Variants in CLTCL1 observed in about 807,000 individuals in gnomAD.
The protein encoded by CLTCL1 is clathrin heavy chain 2.
A neutral mutation model predicts 190.0 loss-of-function variants in CLTCL1; 159 were observed. That is an observed-to-expected ratio of 0.84 (90% CI 0.74 to 0.95). CLTCL1 has a LOEUF of 0.95. Among genes scored for constraint, CLTCL1 ranks in the 40% least tolerant of loss-of-function variants. The probability of loss-of-function intolerance (pLI) is 0.00; values close to 1 mark genes in which losing one functional copy is unlikely to be tolerated. For missense variants in CLTCL1, 1,878 were observed against 2,033.4 expected, an observed-to-expected ratio of 0.92 and a Z score of 1.47; for synonymous variants, 752 against 769.6, an observed-to-expected ratio of 0.98 and a Z score of 0.38.
In CLTCL1 at chr22:19,235,635, G is replaced by A. The variant is rs553841765; in HGVS notation, c.969+61C>T. On this transcript the variant is annotated intron_variant, in intron 6 of 32. Coordinates refer to ENST00000427926, the MANE Select transcript of CLTCL1 (RefSeq NM_007098.4). ...GCTGCTTTCCTAGAGAAGGGGGAAAGTTTAAACGCCAGTCCCTAATGAATG... is the reference window on the plus strand; with the variant it reads ...GCTGCTTTCCTAGAGAAGGGGGAAAATTTAAACGCCAGTCCCTAATGAATG... The A allele has an allele frequency of 3.7e-5, 56 of 1,520,026 alleles. No homozygotes were observed. In the East Asian group the frequency reaches 7.3e-4, roughly 20 times the overall value. 94.2% of individuals were successfully genotyped at this position (1,520,026 alleles called of 1,614,324 possible).
intron 1 of CLTCL1, among the ~76,000 whole-genome samples, chr22:19,278,268 T>C (rs553792014): frequency 6.6e-6 from 1 of 152,254 alleles, no homozygotes; most frequent in Admixed American, 6.5e-5. Flanking sequence ...AGGTATTATA[T>C]TGCTTAACAT....
chr22:19,274,393 A>G (rs1164076058), intron 2 of CLTCL1, among the ~76,000 whole-genome samples: 3 of 152,198 alleles, frequency 2.0e-5, no homozygotes, highest in Non-Finnish European at 4.4e-5. Context: ...GGGGTAAGTG[A>G]CAAAGTAAGA....
At chr22:19,215,080 C>T (rs548597427) in intron 19 of CLTCL1, among the ~76,000 whole-genome samples, 3 of 152,316 alleles carry the variant, frequency 2.0e-5, no homozygotes, top group East Asian at 1.9e-4. Context: ...GCTACAGCCA[C>T]CTGTAAGTGC....
chr22:19,261,006 A>G (rs896959956), intron 2 of CLTCL1, among the ~76,000 whole-genome samples: 2 of 151,872 alleles, frequency 1.3e-5, no homozygotes, highest in Non-Finnish European at 2.9e-5. Flanking sequence ...GCTCTGACGG[A>G]GATATACAAG....
chr22:19,230,097 G>GTTTTTTTTTTTTTTTTTTTT lies in CLTCL1; in HGVS notation c.1645-123_1645-122insAAAAAAAAAAAAAAAAAAAA, dbSNP rs374875733. Reference sequence around the variant, plus strand: ...AATTCAGCAATTAGTTCCCTCCCTTGGTTTTTTTTTTTTTTTTGAGATGGA... The same window carrying GTTTTTTTTTTTTTTTTTTTT: ...AATTCAGCAATTAGTTCCCTCCCTTGTTTTTTTTTTTTTTTTTTTTGTTTTTTTTTTTTTTTTGAGATGGA... On this transcript the variant is annotated intron_variant, in intron 10 of 32. Transcript: ENST00000427926. 20 of 530,318 alleles carry GTTTTTTTTTTTTTTTTTTTT rather than the reference G, an allele frequency of 3.8e-5. 10 individuals carry two copies. Among genetic ancestry groups the GTTTTTTTTTTTTTTTTTTTT allele is most frequent in the African/African-American group, 1.6e-4 (6 of 37,250 alleles). The allele number at this position is 530,318 out of a possible 1,614,324, so 32.9% of individuals were successfully genotyped here.
intron 3 of CLTCL1, among the ~76,000 whole-genome samples, chr22:19,253,155 G>A (rs1164455004): frequency 6.6e-6 from 1 of 151,944 alleles, no homozygotes; most frequent in South Asian, 2.1e-4. Flanking sequence ...ATGCTTTTTA[G>A]TGTTTCAAAT....
chr22:19,194,339 G>T (rs112457835), intron 26 of CLTCL1, among the ~76,000 whole-genome samples: 1 of 152,074 alleles, frequency 6.6e-6, no homozygotes, highest in Admixed American at 6.5e-5. Context: ...AAAATGAGCC[G>T]GGCGTGGTGG....
rs922788725 is a variant in CLTCL1 at position 19,291,681 on chromosome 22, G to A, written c.-40C>T. The A allele has an allele frequency of 1.3e-5, 18 of 1,346,488 alleles. No individual in the cohort carries two copies. The highest frequency in any genetic ancestry group is 1.6e-5 in the Non-Finnish European group (17 of 1,038,054). The allele number at this position is 1,346,488 out of a possible 1,614,324, so 83.4% of individuals were successfully genotyped here. On this transcript the variant is annotated 5_prime_UTR_variant, in exon 1 of 33. Transcript: ENST00000427926. ...CTCGGCGGCGGCGGCGGCAGCGGCA[G>A]GAATGAACGCCGACCCCTCGCGCGG...
chr22:19,285,724 T>A (rs1222077512), intron 1 of CLTCL1, among the ~76,000 whole-genome samples: 1 of 152,092 alleles, frequency 6.6e-6, no homozygotes, highest in Admixed American at 6.5e-5. Context: ...GCAAACTCAG[T>A]AAAGTCTCAG....
intron 27 of CLTCL1, among the ~76,000 whole-genome samples, chr22:19,189,435 A>C (rs2084420195): frequency 6.6e-6 from 1 of 152,234 alleles, no homozygotes; most frequent in Non-Finnish European, 1.5e-5. Flanking sequence ...AGGTTTATGC[A>C]CTATTCTAAA....
intron 2 of CLTCL1, among the ~76,000 whole-genome samples, chr22:19,268,359 A>C (rs539226056): frequency 6.6e-6 from 1 of 152,318 alleles, no homozygotes; most frequent in South Asian, 2.1e-4. Flanking sequence ...CAGCCATTTC[A>C]TTATAGCAGC....
intron 2 of CLTCL1, among the ~76,000 whole-genome samples, chr22:19,261,357 G>A (rs1319890293): frequency 2.0e-5 from 3 of 152,224 alleles, no homozygotes; most frequent in South Asian, 2.1e-4. Flanking sequence ...TGATCCACCC[G>A]CCTCAGCCTC....
At chr22:19,232,959 C>A in intron 9 of CLTCL1, 1 of 603,788 alleles carries the variant, frequency 1.7e-6, no homozygotes, top group Non-Finnish European at 2.8e-6. Flanking sequence ...CCAAATAAAA[C>A]GAAGATGGAA....
At chr22:19,200,714 C>T (rs1320363238) in intron 23 of CLTCL1, among the ~76,000 whole-genome samples, 2 of 152,244 alleles carry the variant, frequency 1.3e-5, no homozygotes, top group East Asian at 1.9e-4. Context: ...TGGTGGCGGG[C>T]GCCTGTAGTC....
At chr22:19,220,833 A>G (rs944819829) in intron 17 of CLTCL1, among the ~76,000 whole-genome samples, 7 of 152,204 alleles carry the variant, frequency 4.6e-5, no homozygotes, top group Admixed American at 4.6e-4. Flanking sequence ...ACATGTAATT[A>G]TATGTGGATC....
chr22:19,184,551 G>A, intron 29 of CLTCL1: 1 of 456,050 alleles, frequency 2.2e-6, no homozygotes, highest in Non-Finnish European at 4.4e-6. Flanking sequence ...AAAGGCACCA[G>A]GATTCTGACC....
chr22:19,283,860 C>T (rs1437476183), intron 1 of CLTCL1, among the ~76,000 whole-genome samples: 4 of 151,836 alleles, frequency 2.6e-5, no homozygotes, highest in Non-Finnish European at 5.9e-5. Flanking sequence ...AGCATGGTGG[C>T]ACACGCCTGT....
intron 27 of CLTCL1, among the ~76,000 whole-genome samples, chr22:19,189,052 C>T (rs532671112): frequency 8.6e-5 from 13 of 151,674 alleles, no homozygotes; most frequent in South Asian, 4.2e-4. Flanking sequence ...TACAGGTGCG[C>T]GCCCACCACA....
intron 1 of CLTCL1, among the ~76,000 whole-genome samples, chr22:19,279,654 C>A (rs2087637698): frequency 6.6e-6 from 1 of 152,202 alleles, no homozygotes. Context: ...ATCTGGCTTA[C>A]CTCTGCTGAG....
Sources: gnomAD v4.1 joint callset for allele counts (sites outside exome capture counted in the v4.1 genomes callset) on GRCh38, gnomAD v4.1.1 for gene constraint, MANE v1.5 for transcripts, NCBI Gene and HGNC (gene_info 2026-07-23, HGNC 2026-07-21) for gene names.